The following LMTK3 variants were observed in gnomAD, a reference collection of about 807,000 sequenced individuals.
The protein encoded by LMTK3 is serine/threonine-protein kinase LMTK3.
LMTK3 carries 27 observed loss-of-function variants against 116.7 expected under a neutral mutation model. The ratio of observed to expected loss-of-function variants is 0.23; its 90% CI spans 0.17 to 0.32. The LOEUF (loss-of-function observed/expected upper bound fraction) is 0.32. Among genes scored for constraint, LMTK3 ranks in the 10% least tolerant of loss-of-function variants. The pLI, the probability that LMTK3 is intolerant of heterozygous loss-of-function variation, is 1.00. For missense variants in LMTK3, 1,764 were observed against 2,068.5 expected, an observed-to-expected ratio of 0.85 and a Z score of 2.86; for synonymous variants, 965 against 971.0, an observed-to-expected ratio of 0.99 and a Z score of 0.11.
chr19:48,510,694 T>C (rs961127965), intron 1 of LMTK3, 102 bp from the exon 2 acceptor site: 36 of 1,324,672 alleles, frequency 2.7e-5, no homozygotes, highest in Non-Finnish European at 3.4e-5. Context: ...ACTCCCGTGA[T>C]GCTCTGCGAC....
intron 1 of LMTK3, among the ~76,000 whole-genome samples, chr19:48,511,074 A>T (rs960991246): frequency 2.0e-5 from 3 of 152,096 alleles, no homozygotes; most frequent in African/African-American, 7.2e-5. Flanking sequence ...CGCTTGGCGC[A>T]CACCGATGTT....
In LMTK3 at chr19:48,499,575, C is replaced by A; in HGVS notation, c.1494G>T (p.Gln498His). 6.5e-7 allele frequency: 1 copy of A among 1,527,506 alleles called. No individual in the cohort carries two copies. The highest frequency in any genetic ancestry group is 8.8e-7 in the Non-Finnish European group (1 of 1,139,146). 94.6% of individuals were successfully genotyped at this position (1,527,506 alleles called of 1,614,324 possible). A position where few individuals can be genotyped will look rare whatever the true frequency, so the allele number is the denominator to read the frequency against. The change falls in exon 11 of 15, where the codon CAG (glutamine) becomes CAT (histidine). Residue 498 changes from glutamine to histidine, a missense_variant. Physicochemically the swap from Gln to His is conservative, Grantham distance 24. Around this residue, in one of 7 missense-constraint regions of LMTK3, gnomAD observed 1,028 missense variants for 1,050.6 expected, o/e 0.98. Transcript: ENST00000600059. Reference protein sequence around the residue: ...AGRGGGAPAWQPASAPPAPHA... With the variant: ...AGRGGGAPAWHPASAPPAPHA... ...GGGGGGCCGGGGGGGCCGACGCCGG[C>A]TGCCAGGCAGGTGCCCCCCCACCCC...
rs530593752 is a variant in LMTK3 at position 48,493,287 on chromosome 19, GCAC to G, written c.4092+404_4092+406del. ...TCGTCTAGGCCCCGCCCCAGGCCCT[GCAC>G]CTCTAGGCTCGACCTCCCTCCAGGC... On this transcript the variant is annotated intron_variant, in intron 12 of 14. Transcript: ENST00000600059. Among the ~76,000 whole-genome samples the G allele has an allele frequency of 4.0e-4, 50 of 125,652 alleles. 1 individual carries two copies. In the South Asian group the frequency reaches 9.4e-3, roughly 24 times the overall value. 82.4% of individuals were successfully genotyped at this position (125,652 alleles called of 152,430 possible). A position where few individuals can be genotyped will look rare whatever the true frequency, so the allele number is the denominator to read the frequency against.
At position 48,493,916 on chromosome 19, in the gene LMTK3, C is replaced by CTCCTCG. The variant is rs984460763; in HGVS notation, c.3864_3869dup (p.Asp1288_Glu1289dup). On this transcript the variant is annotated inframe_insertion, in exon 12 of 15. Transcript: ENST00000600059. ...CCGCCGCCGCGCCCGGCGCCGCCGC[C>CTCCTCG]TCCTCGTCCTCCTCCTCGTCCTCGT... 303 of 1,029,556 alleles carry CTCCTCG rather than the reference C, an allele frequency of 2.9e-4. No homozygotes were observed. Among genetic ancestry groups the CTCCTCG allele is most frequent in the Admixed American group, 6.3e-4 (11 of 17,502 alleles). The allele number at this position is 1,029,556 out of a possible 1,614,324, so 63.8% of individuals were successfully genotyped here.
intron 12 of LMTK3, among the ~76,000 whole-genome samples, chr19:48,492,383 C>T (rs1972241954): frequency 6.6e-6 from 1 of 152,144 alleles, no homozygotes. Flanking sequence ...GACGAGGTCT[C>T]GCCATTTTGG....
At chr19:48,495,469 C>G (rs996796642) in intron 11 of LMTK3, among the ~76,000 whole-genome samples, 12 of 152,178 alleles carry the variant, frequency 7.9e-5, no homozygotes, top group African/African-American at 1.9e-4. Flanking sequence ...TTTTCACCCC[C>G]CAATCCTAAT....
Position 48,500,968 on chromosome 19 carries a change from C to G in LMTK3, c.1151+28G>C. 1.4e-6 allele frequency: 2 copies of G among 1,474,376 alleles called. No homozygotes were observed. Among genetic ancestry groups the G allele is most frequent in the Non-Finnish European group, 1.8e-6 (2 of 1,114,844 alleles). The allele number at this position is 1,474,376 out of a possible 1,614,324, so 91.3% of individuals were successfully genotyped here. On this transcript the variant is annotated intron_variant, in intron 10 of 14. Transcript: ENST00000600059. This position sits in a 1 kb window ranked among gnomAD's most constrained non-coding sequence, Gnocchi z 4.0. ...CCATCCTGGGTGGGGTGCGGCAGGC[C>G]AGGAGCCCCGGGTGGGCTAGCCCTC...
intron 14 of LMTK3, among the ~76,000 whole-genome samples, chr19:48,486,145 C>T (rs371695508): frequency 1.4e-5 from 2 of 144,066 alleles, no homozygotes; most frequent in Non-Finnish European, 3.0e-5. Flanking sequence ...CTGCAAGCTC[C>T]GCCTCCCGGG....
rs992321693 is a variant in LMTK3, at chr19:48,494,962, A to T, written c.3677-853T>A. Among the ~76,000 whole-genome samples, 5 of 151,456 alleles carry T rather than the reference A, an allele frequency of 3.3e-5. No homozygotes were observed. Among genetic ancestry groups the T allele is most frequent in the Non-Finnish European group, 7.4e-5 (5 of 67,974 alleles). On this transcript the variant is annotated intron_variant, in intron 11 of 14. Coordinates refer to ENST00000600059, the MANE Select transcript of LMTK3 (RefSeq NM_001388485.1). This position sits in a 1 kb window ranked among gnomAD's most constrained non-coding sequence, Gnocchi z 4.0. ...AAAGTCACACTTTTGTTGACCAGACATCTCAGGGTGATGGGGTTATGGGCG... is the reference window on the plus strand; with the variant it reads ...AAAGTCACACTTTTGTTGACCAGACTTCTCAGGGTGATGGGGTTATGGGCG...
In LMTK3 at chr19:48,502,555, G is replaced by C; in HGVS notation, c.672C>G (p.Ala224=). 1 of 1,575,490 alleles carries C rather than the reference G, an allele frequency of 6.3e-7. No individual in the cohort carries two copies. The highest frequency in any genetic ancestry group is 2.0e-4 in the Middle Eastern group (1 of 4,922). The change falls in exon 7 of 15, where the codon GCC becomes GCG. Residue 224 remains alanine, a synonymous_variant. Coordinates refer to ENST00000600059, the MANE Select transcript of LMTK3 (RefSeq NM_001388485.1). ...QLGDLKRYLR[A]QRPPEGLSPE... ...GGGACAGGCCCTCGGGGGGCCGCTG[G>C]GCTCGGAGGTAACGCTTCAGGTCCC...
In LMTK3 at chr19:48,498,268, T is replaced by C. The variant is rs952680573; in HGVS notation, c.2801A>G (p.Gln934Arg). The C allele has an allele frequency of 1.2e-6, 2 of 1,613,332 alleles. No individual in the cohort carries two copies. The highest frequency in any genetic ancestry group is 2.7e-5 in the African/African-American group (2 of 74,854). The change falls in exon 11 of 15, where the codon CAG becomes CGG. Residue 934 changes from glutamine (Q) to arginine (R), a missense_variant. Coordinates refer to ENST00000600059, the MANE Select transcript of LMTK3 (RefSeq NM_001388485.1). ...NGVTVLENGDQRAPGIEEKAA... is the reference protein window; with the variant it reads ...NGVTVLENGDRRAPGIEEKAA... ...CTTCTCCTCGATGCCTGGGGCTCTC[T>C]GGTCCCCGTTCTCCAGCACTGTCAC... is the stretch of plus-strand genomic sequence containing the variant.
intron 3 of LMTK3, 88 bp from the exon 4 acceptor site, chr19:48,509,601 G>C (rs1160400837): frequency 1.9e-6 from 2 of 1,080,406 alleles, no homozygotes; most frequent in African/African-American, 1.6e-5. Flanking sequence ...GACTGAGACA[G>C]AGCAGACATC....
At chr19:48,492,467 G>A (rs1002921401) in intron 12 of LMTK3, among the ~76,000 whole-genome samples, 2 of 152,126 alleles carry the variant, frequency 1.3e-5, no homozygotes, top group Admixed American at 1.3e-4. Context: ...GATTACAGGC[G>A]TGAGCCACCC....
chr19:48,496,100 GTTTGT>G (rs1046528214), intron 11 of LMTK3, among the ~76,000 whole-genome samples: 2 of 151,546 alleles, frequency 1.3e-5, no homozygotes, highest in East Asian at 1.9e-4. Flanking sequence ...GTTTGTTTCT[GTTTGT>G]TTTGTTTTGT....
chr19:48,494,118 G>A lies in LMTK3; in HGVS notation c.3677-9C>T, dbSNP rs1447935250. 38 of 1,194,962 alleles carry A rather than the reference G, an allele frequency of 3.2e-5. 1 individual carries two copies. The East Asian group carries it at 1.3e-3, about 41-fold the overall frequency. 74.0% of individuals were successfully genotyped at this position (1,194,962 alleles called of 1,614,324 possible). ...GAGCCGGGAGAGCCTGGCTGCGAGG[G>A]GAGAGACCTGGTGAGCCCCTGTCCC... On this transcript the variant is annotated splice_polypyrimidine_tract_variant and intron_variant, in intron 11 of 14. Coordinates refer to ENST00000600059, the MANE Select transcript of LMTK3 (RefSeq NM_001388485.1). The surrounding 1 kb of genome is among the most constrained non-coding windows in gnomAD (Gnocchi z 4.0).
intron 5 of LMTK3, among the ~76,000 whole-genome samples, chr19:48,506,126 G>T (rs1401018413): frequency 1.3e-5 from 2 of 148,520 alleles, no homozygotes. Flanking sequence ...TGACAACAGA[G>T]CAAGACTTCA....
At chr19:48,509,296 C>T (rs997059082) in intron 4 of LMTK3, 141 bp downstream of exon 4, 32 of 703,342 alleles carry the variant, frequency 4.5e-5, no homozygotes, top group Non-Finnish European at 6.8e-5. Flanking sequence ...GAGAGGTGGA[C>T]GGAGGGGGGA....
intron 5 of LMTK3, 86 bp downstream of exon 5, chr19:48,508,765 A>T (rs59319018): frequency 9.7e-7 from 1 of 1,027,878 alleles, no homozygotes; most frequent in Non-Finnish European, 1.5e-6. Flanking sequence ...GAAGAGGTAG[A>T]TTCCAGGTGT....
At position 48,491,678 on chromosome 19, in the gene LMTK3, T is replaced by C. The variant is rs934964935; in HGVS notation, c.4093-139A>G. On this transcript the variant is annotated intron_variant, in intron 12 of 14. Coordinates refer to ENST00000600059, the MANE Select transcript of LMTK3 (RefSeq NM_001388485.1). The surrounding 1 kb of genome is among the most constrained non-coding windows in gnomAD (Gnocchi z 5.1). ...TTTGTAATCACTGACTCGCACGCTC[T>C]GGAGAGGTGGCTGGAGCCCCTAATC... 1.2e-5 allele frequency: 10 copies of C among 806,132 alleles called. No individual in the cohort carries two copies. Among genetic ancestry groups the C allele is most frequent in the Non-Finnish European group, 1.7e-5 (10 of 593,204 alleles). The allele number at this position is 806,132 out of a possible 1,614,324, so 49.9% of individuals were successfully genotyped here.
Sources: gnomAD v4.1 joint callset for allele counts (sites outside exome capture counted in the v4.1 genomes callset) on GRCh38, gnomAD v4.1.1 for gene constraint, gnomAD v4.1.1 regional missense constraint, Gnocchi (gnomAD v3.1) non-coding constraint, MANE v1.5 for transcripts, NCBI Gene and HGNC (gene_info 2026-07-23, HGNC 2026-07-21) for gene names.